EIPR1: variants seen among roughly 807,000 people sequenced by gnomAD.
EIPR1 encodes the protein EARP complex and GARP complex interacting protein 1.
In EIPR1, 25 loss-of-function variants were observed where a neutral mutation model predicts 48.1. The ratio of observed to expected loss-of-function variants is 0.52; its 90% CI spans 0.38 to 0.73. EIPR1 has a LOEUF of 0.73. Among genes scored for constraint, EIPR1 ranks in the 30% least tolerant of loss-of-function variants. The pLI, the probability that EIPR1 is intolerant of heterozygous loss-of-function variation, is 0.00. For synonymous variants in EIPR1, 204 were observed against 201.9 expected, an observed-to-expected ratio of 1.01 and a Z score of -0.09; for missense variants, 415 against 506.2, an observed-to-expected ratio of 0.82 and a Z score of 1.73.
chr2:3,259,777 G>A (rs186548885), intron 3 of EIPR1, among the ~76,000 whole-genome samples: 75 of 152,346 alleles, frequency 4.9e-4, no homozygotes, highest in African/African-American at 1.7e-3. Flanking sequence ...CAGACCCTTA[G>A]AAAGATGGTC....
At chr2:3,285,672 C>T (rs1668161584) in intron 3 of EIPR1, among the ~76,000 whole-genome samples, 1 of 150,198 alleles carries the variant, frequency 6.7e-6, no homozygotes, top group African/African-American at 2.4e-5. Flanking sequence ...CTCCGGGACC[C>T]TCGCACGGAG....
chr2:3,297,957 C>A (rs1668651930), intron 3 of EIPR1, among the ~76,000 whole-genome samples: 1 of 152,164 alleles, frequency 6.6e-6, no homozygotes. Flanking sequence ...TTAGGAGAAA[C>A]CCTTTGTTCA....
At chr2:3,223,859 C>T (rs1183332188) in intron 4 of EIPR1, among the ~76,000 whole-genome samples, 2 of 152,090 alleles carry the variant, frequency 1.3e-5, no homozygotes, top group African/African-American at 2.4e-5. Context: ...TCCCCAGCTC[C>T]GACCACATGT....
At position 3,241,418 on chromosome 2, in the gene EIPR1, G is replaced by A. The variant is rs139523305; in HGVS notation, c.416+15881C>T. Among the ~76,000 whole-genome samples the A allele has an allele frequency of 5.0e-3, 764 of 152,228 alleles. 3 individuals are homozygous for A. Among genetic ancestry groups the A allele is most frequent in the Admixed American group, 7.3e-3 (111 of 15,296 alleles). On this transcript the variant is annotated intron_variant, in intron 4 of 8. Transcript: ENST00000382125. The stretch of plus-strand genomic sequence containing the variant: ...ATCCCTATAATCATTACTGTTTGCC[G>A]TATACCTTGGAATAACTGGAGTATG...
At chr2:3,210,296 C>T (rs1246660161) in intron 5 of EIPR1, among the ~76,000 whole-genome samples, 2 of 152,182 alleles carry the variant, frequency 1.3e-5, no homozygotes, top group African/African-American at 4.8e-5. Context: ...GGAGCAGAGA[C>T]TTAAAACACG....
chr2:3,258,150 T>A (rs1667221568), intron 3 of EIPR1, among the ~76,000 whole-genome samples: 1 of 147,212 alleles, frequency 6.8e-6, no homozygotes, highest in Non-Finnish European at 1.5e-5. Flanking sequence ...GATACTCTAT[T>A]TTCAAGATGC....
chr2:3,316,169 C>CA, intron 3 of EIPR1, among the ~76,000 whole-genome samples: 1 of 149,334 alleles, frequency 6.7e-6, no homozygotes, highest in African/African-American at 2.5e-5. Context: ...ACCACCCCCA[C>CA]ACCCACTCCC....
chr2:3,329,840 A>C, intron 3 of EIPR1, among the ~76,000 whole-genome samples: 1 of 151,718 alleles, frequency 6.6e-6, no homozygotes, highest in South Asian at 2.1e-4. Context: ...CCCCCAGATG[A>C]GGGTTCCATG....
chr2:3,257,175 T>C (rs1305228907), intron 4 of EIPR1, 124 bp downstream of exon 4: 24 of 1,139,960 alleles, frequency 2.1e-5, no homozygotes, highest in Non-Finnish European at 2.7e-5. Context: ...TTCTCGCAGC[T>C]TTTTAAAAGA....
chr2:3,310,446 G>A (rs1368565933), intron 3 of EIPR1, among the ~76,000 whole-genome samples: 2 of 144,608 alleles, frequency 1.4e-5, no homozygotes, highest in Non-Finnish European at 3.0e-5. Flanking sequence ...AAGGTCAGGA[G>A]ACTGAGACCA....
chr2:3,246,992 GA>G (rs1558249047), intron 4 of EIPR1, among the ~76,000 whole-genome samples: 4 of 216 alleles, frequency 0.019, no homozygotes, highest in Non-Finnish European at 0.045. Context: ...GAGGGAGGGA[GA>G]GAGCGAGGGA....
intron 3 of EIPR1, chr2:3,318,874 A>G: frequency 2.1e-6 from 1 of 471,262 alleles, no homozygotes; most frequent in Non-Finnish European, 4.4e-6. Context: ...CTGTCCCCTG[A>G]AGAAGACCTG....
intron 3 of EIPR1, among the ~76,000 whole-genome samples, chr2:3,334,668 G>A (rs1413354489): frequency 6.6e-6 from 1 of 152,260 alleles, no homozygotes; most frequent in African/African-American, 2.4e-5. Context: ...ATCAGAGCAG[G>A]AACTTGCAGC....
intron 2 of EIPR1, among the ~76,000 whole-genome samples, chr2:3,351,596 C>A (rs564007483): frequency 7.2e-5 from 11 of 152,332 alleles, no homozygotes; most frequent in Admixed American, 7.2e-4. Flanking sequence ...ATCCCTGAAA[C>A]CACAGGCCAT....
At chr2:3,365,216 T>C (rs547435601) in intron 1 of EIPR1, among the ~76,000 whole-genome samples, 36 of 151,884 alleles carry the variant, frequency 2.4e-4, no homozygotes, top group Admixed American at 1.1e-3. Context: ...GGCGGAAAGA[T>C]TGCTTGAGCC....
intron 4 of EIPR1, among the ~76,000 whole-genome samples, chr2:3,222,280 A>G (rs1173502377): frequency 1.3e-5 from 2 of 152,212 alleles, no homozygotes; most frequent in African/African-American, 4.8e-5. Context: ...CCTGCAGGAA[A>G]TCGTGGTGTG....
chr2:3,284,815 C>T (rs901917032), intron 3 of EIPR1, among the ~76,000 whole-genome samples: 3 of 151,982 alleles, frequency 2.0e-5, no homozygotes, highest in Non-Finnish European at 2.9e-5. Context: ...AAGGGGGGCC[C>T]GCCAGCAGCA....
intron 4 of EIPR1, among the ~76,000 whole-genome samples, chr2:3,237,023 T>C (rs1287302484): frequency 6.6e-6 from 1 of 152,100 alleles, no homozygotes; most frequent in Non-Finnish European, 1.5e-5. Flanking sequence ...TGTGATTTCC[T>C]ACGGTGGCTG....
chr2:3,331,160 G>A (rs1669888847), intron 3 of EIPR1, among the ~76,000 whole-genome samples: 1 of 121,360 alleles, frequency 8.2e-6, no homozygotes, highest in Admixed American at 8.1e-5. Flanking sequence ...CTCATGAGAT[G>A]GTGTGAGCAG....
Sources: gnomAD v4.1 joint callset for allele counts (sites outside exome capture counted in the v4.1 genomes callset) on GRCh38, gnomAD v4.1.1 for gene constraint, MANE v1.5 for transcripts, NCBI Gene and HGNC (gene_info 2026-07-23, HGNC 2026-07-21) for gene names.